CYRIA: variants seen among roughly 807,000 people sequenced by gnomAD.
CYRIA encodes the protein CYFIP related Rac1 interactor A, also known as CYFIP-related Rac1 interactor A.
CYRIA carries 15 observed loss-of-function variants against 43.9 expected under a neutral mutation model. That is an observed-to-expected ratio of 0.34 (90% CI 0.23 to 0.53). The LOEUF is 0.53. Ranked by LOEUF, CYRIA falls within the 20% of genes least tolerant of loss-of-function variation. The pLI is 0.94. For synonymous variants in CYRIA, 117 were observed against 136.0 expected, an observed-to-expected ratio of 0.86 and a Z score of 0.97; for missense variants, 236 against 394.2, an observed-to-expected ratio of 0.60 and a Z score of 3.40.
intron 10 of CYRIA, among the ~76,000 whole-genome samples, chr2:16,558,878 C>T (rs1473281904): frequency 2.0e-5 from 3 of 151,984 alleles, no homozygotes; most frequent in Non-Finnish European, 4.4e-5. Flanking sequence ...TTGTCCTATG[C>T]AGAAAATGTG....
At chr2:16,658,252 C>T in intron 1 of CYRIA, among the ~76,000 whole-genome samples, 1 of 152,112 alleles carries the variant, frequency 6.6e-6, no homozygotes, top group Admixed American at 6.5e-5. Context: ...GGGGCTTTTT[C>T]AGGGACAATT....
intron 5 of CYRIA, 72 bp downstream of exon 5, chr2:16,563,917 T>C (rs925996515): frequency 8.9e-7 from 1 of 1,117,924 alleles, no homozygotes. Context: ...TGCCACGCTG[T>C]TCCCACTACC....
chr2:16,561,021 T>C lies in CYRIA; in HGVS notation c.679A>G (p.Thr227Ala). The C allele has an allele frequency of 6.2e-7, 1 of 1,613,834 alleles. No individual in the cohort carries two copies. Among genetic ancestry groups the C allele is most frequent in the African/African-American group, 1.3e-5 (1 of 75,026 alleles). Residue 227 changes from threonine to alanine, a missense_variant, in exon 9 of 12, where the codon ACA becomes GCA. By Grantham distance (58) the Thr-to-Ala change is moderately conservative. Coordinates refer to ENST00000381323, the MANE Select transcript of CYRIA (RefSeq NM_030797.4). The part of the protein sequence containing the change: ...ENTTDCLSTM[T>A]SVCKVMLETP... ...TCCAGCATGACTTTACAGACACTTG[T>C]CATTGTGCTGAGGCAGTCTGTGGTG...
In CYRIA at chr2:16,650,302, G is replaced by T. The variant is rs1462154638; in HGVS notation, c.-167+15478C>A. The stretch of plus-strand genomic sequence containing the variant: ...ATGACATCCCTAAGACGTAAGAGTG[G>T]TTAAGCAATGGCCCAGAAATCAACC... On this transcript the variant is annotated intron_variant, in intron 1 of 11. Coordinates refer to ENST00000381323, the MANE Select transcript of CYRIA (RefSeq NM_030797.4). This position sits in a 1 kb window ranked among gnomAD's most constrained non-coding sequence, Gnocchi z 4.1. 6.6e-6 allele frequency among the ~76,000 whole-genome samples: 1 copy of T among 152,200 alleles called. No homozygotes were observed. Among genetic ancestry groups the T allele is most frequent in the African/African-American group, 2.4e-5 (1 of 41,444 alleles).
chr2:16,574,799 C>A (rs1272067625), intron 3 of CYRIA, among the ~76,000 whole-genome samples: 1 of 152,236 alleles, frequency 6.6e-6, no homozygotes, highest in Non-Finnish European at 1.5e-5. Context: ...AGGCAGAAAT[C>A]TGCTGCAGGG....
chr2:16,554,199 C>A (rs1666421052), intron 11 of CYRIA, among the ~76,000 whole-genome samples: 1 of 152,094 alleles, frequency 6.6e-6, no homozygotes, highest in South Asian at 2.1e-4. Context: ...TGATCCATCC[C>A]ACTTAGACTT....
rs998368888 is a variant in CYRIA at position 16,616,048 on chromosome 2, G to A, written c.-11+7816C>T. ...AATCCTGAGGGTGAGGCCTGATGTC[G>A]GGGGAGAACAAGCCAGTCTTTGTCA... is the stretch of plus-strand genomic sequence containing the variant. On this transcript the variant is annotated intron_variant, in intron 2 of 11. Transcript: ENST00000381323. Among the ~76,000 whole-genome samples the A allele has an allele frequency of 1.6e-4, 24 of 152,200 alleles. 1 individual carries two copies. Among genetic ancestry groups the A allele is most frequent in the African/African-American group, 5.5e-4 (23 of 41,456 alleles).
intron 5 of CYRIA, among the ~76,000 whole-genome samples, chr2:16,563,093 C>T (rs1189419772): frequency 1.3e-5 from 2 of 152,172 alleles, no homozygotes; most frequent in Non-Finnish European, 2.9e-5. Flanking sequence ...GCCAGTTCTA[C>T]CTTGGCCTGC....
intron 1 of CYRIA, among the ~76,000 whole-genome samples, chr2:16,656,790 G>C (rs1000254765): frequency 6.6e-6 from 1 of 152,220 alleles, no homozygotes; most frequent in African/African-American, 2.4e-5. Flanking sequence ...GTTGCCATTA[G>C]GGCCACTGCC....
chr2:16,630,141 G>A (rs538177894), intron 1 of CYRIA, among the ~76,000 whole-genome samples: 5 of 152,134 alleles, frequency 3.3e-5, no homozygotes, highest in Non-Finnish European at 7.4e-5. Flanking sequence ...ACCAGCCCTC[G>A]CCCCACTCTT....
intron 2 of CYRIA, among the ~76,000 whole-genome samples, chr2:16,614,206 G>A (rs1668699895): frequency 6.6e-6 from 1 of 152,136 alleles, no homozygotes; most frequent in African/African-American, 2.4e-5. Context: ...TTCATGATCT[G>A]TACCCCCGAG....
At chr2:16,570,729 A>G (rs1194691278) in intron 3 of CYRIA, among the ~76,000 whole-genome samples, 2 of 152,128 alleles carry the variant, frequency 1.3e-5, no homozygotes, top group African/African-American at 2.4e-5. Flanking sequence ...TCTATTTTTA[A>G]CACAAAGACT....
rs954997706 is a variant in CYRIA, at chr2:16,549,865, G to T, written c.*3071C>A. The T allele has an allele frequency of 6.6e-6, 1 of 152,016 alleles. No individual in the cohort carries two copies. The highest frequency in any genetic ancestry group is 2.4e-5 in the African/African-American group (1 of 41,412). 9.4% of individuals were successfully genotyped at this position (152,016 alleles called of 1,614,324 possible). On this transcript the variant is annotated 3_prime_UTR_variant, in exon 12 of 12. Coordinates refer to ENST00000381323, the MANE Select transcript of CYRIA (RefSeq NM_030797.4). ...TTACCATTAAGGTCTTAATTTAATG[G>T]TGATAACTAGGAGCAAATGTTGATC...
intron 2 of CYRIA, among the ~76,000 whole-genome samples, chr2:16,602,355 A>G (rs1009308551): frequency 1.3e-5 from 2 of 151,948 alleles, no homozygotes; most frequent in Non-Finnish European, 2.9e-5. Flanking sequence ...GGAAGTCCTG[A>G]CTCATCCAAT....
chr2:16,597,417 G>A (rs1668064437), intron 2 of CYRIA, among the ~76,000 whole-genome samples: 1 of 3,308 alleles, frequency 3.0e-4, no homozygotes, highest in East Asian at 9.4e-3. Flanking sequence ...GGGTGCTCCT[G>A]TATTGGGTGC....
At chr2:16,628,255 C>T (rs191794486) in intron 1 of CYRIA, among the ~76,000 whole-genome samples, 175 of 152,314 alleles carry the variant, frequency 1.1e-3, no homozygotes, top group African/African-American at 3.9e-3. Flanking sequence ...ATGATACCAA[C>T]TCTGAGAGGT....
At chr2:16,653,766 C>T (rs1260637292) in intron 1 of CYRIA, among the ~76,000 whole-genome samples, 2 of 152,188 alleles carry the variant, frequency 1.3e-5, no homozygotes, top group African/African-American at 2.4e-5. Flanking sequence ...GCGAATGTTA[C>T]ACCAGAAGCG....
At chr2:16,573,405 G>T (rs906787879) in intron 3 of CYRIA, among the ~76,000 whole-genome samples, 1 of 152,184 alleles carries the variant, frequency 6.6e-6, no homozygotes, top group African/African-American at 2.4e-5. Context: ...CTAACACATT[G>T]ATCAAATATT....
At chr2:16,621,470 T>C (rs576945090) in intron 2 of CYRIA, among the ~76,000 whole-genome samples, 1 of 152,250 alleles carries the variant, frequency 6.6e-6, no homozygotes, top group South Asian at 2.1e-4. Context: ...TTTGAATGAA[T>C]GACTAACACT....
Sources: gnomAD v4.1 joint callset for allele counts (sites outside exome capture counted in the v4.1 genomes callset) on GRCh38, gnomAD v4.1.1 for gene constraint, Gnocchi (gnomAD v3.1) non-coding constraint, MANE v1.5 for transcripts, NCBI Gene and HGNC (gene_info 2026-07-23, HGNC 2026-07-21) for gene names.